Variants in UBE3C observed in about 807,000 individuals in gnomAD.
UBE3C encodes ubiquitin-protein ligase E3C.
In UBE3C, 42 loss-of-function variants were observed where a neutral mutation model predicts 129.4. That is an observed-to-expected ratio of 0.32 (90% CI 0.25 to 0.42). The LOEUF (loss-of-function observed/expected upper bound fraction) is 0.42, where lower values mean the gene tolerates loss of function less well. Among genes scored for constraint, UBE3C ranks in the 10% least tolerant of loss-of-function variants. The pLI is 1.00. For missense variants in UBE3C, 1,049 were observed against 1,319.1 expected (o/e 0.80, Z 3.17); for synonymous variants, 510 against 492.4 (o/e 1.04, Z -0.47).
At chr7:157,241,532 A>G (rs1021537909) in intron 18 of UBE3C, among the ~76,000 whole-genome samples, 60 of 152,266 alleles carry the variant, frequency 3.9e-4, no homozygotes, top group Non-Finnish European at 5.9e-5. Context: ...CACACCCGCG[A>G]GTACGGCGGG....
intron 22 of UBE3C, among the ~76,000 whole-genome samples, chr7:157,262,501 C>G (rs1796946738): frequency 7.1e-6 from 1 of 140,716 alleles, no homozygotes; most frequent in South Asian, 2.4e-4. Flanking sequence ...TCGCTGCAAC[C>G]TCTGCCTCCT....
At chr7:157,184,200 C>T (rs967858853) in intron 9 of UBE3C, among the ~76,000 whole-genome samples, 171 bp downstream of exon 9, 1 of 152,178 alleles carries the variant, frequency 6.6e-6, no homozygotes, top group Non-Finnish European at 1.5e-5. Flanking sequence ...GAAAGTCTCT[C>T]CCACCGCTTT....
intron 1 of UBE3C, among the ~76,000 whole-genome samples, chr7:157,156,553 A>G (rs980900496): frequency 6.6e-6 from 1 of 151,648 alleles, no homozygotes; most frequent in African/African-American, 2.4e-5. Context: ...GTGATCCACT[A>G]CCCTGGCCTC....
At chr7:157,262,541 C>G (rs1186475998) in intron 22 of UBE3C, among the ~76,000 whole-genome samples, 3 of 150,836 alleles carry the variant, frequency 2.0e-5, no homozygotes, top group African/African-American at 7.3e-5. Context: ...GCCGCAGCCT[C>G]CCGAGTAGGT....
intron 10 of UBE3C, among the ~76,000 whole-genome samples, chr7:157,194,534 G>T (rs1809062487): frequency 6.6e-6 from 1 of 152,176 alleles, no homozygotes; most frequent in Admixed American, 6.5e-5. Flanking sequence ...TAGGCAGTAG[G>T]TCGAGGCTGG....
chr7:157,256,930 C>G lies in UBE3C; in HGVS notation c.2967C>G (p.Asp989Glu), dbSNP rs931934963. 6.2e-7 allele frequency: 1 copy of G among 1,614,002 alleles called. No individual in the cohort carries two copies. The highest frequency in any genetic ancestry group is 1.3e-5 in the African/African-American group (1 of 74,926). ...FTNYSGGYSADHPVIKVFWRV... is the reference protein window; with the variant it reads ...FTNYSGGYSAEHPVIKVFWRV... ...TTGCCATAGGAGGCTATTCTGCAGA[C>G]CATCCTGTTATTAAGGTCTTCTGGA... The change falls in exon 22 of 23, where the codon GAC (aspartate) becomes GAG (glutamate). Residue 989 changes from aspartate to glutamate, a missense_variant. Physicochemically the swap from Asp to Glu is conservative, Grantham distance 45. Transcript: ENST00000348165.
chr7:157,207,765 C>G lies in UBE3C; in HGVS notation c.1639C>G (p.Arg547Gly). 6.2e-7 allele frequency: 1 copy of G among 1,614,070 alleles called. No individual in the cohort carries two copies. The highest frequency in any genetic ancestry group is 8.5e-7 in the Non-Finnish European group (1 of 1,180,012). Residue 547 changes from arginine (R) to glycine (G), a missense_variant, in exon 13 of 23, where the codon CGA (arginine) becomes GGA (glycine). Physicochemically the swap from Arg to Gly is moderately radical, Grantham distance 125. Transcript: ENST00000348165. ...FTLEELIMLS[R>G]CLRDACLGII... The stretch of plus-strand genomic sequence containing the variant: ...TTTAGAAGAGCTGATAATGTTGTCT[C>G]GATGCCTTCGAGATGCATGCCTGGG...
chr7:157,177,959 A>G (rs770081651), intron 5 of UBE3C, among the ~76,000 whole-genome samples: 1 of 151,652 alleles, frequency 6.6e-6, no homozygotes, highest in Non-Finnish European at 1.5e-5. Flanking sequence ...AAAAGGAAAA[A>G]CAGCTGTAAA....
At position 157,174,972 on chromosome 7, in the gene UBE3C, G is replaced by T; in HGVS notation, c.396G>T (p.Leu132Phe). 1 of 1,612,766 alleles carries T rather than the reference G, an allele frequency of 6.2e-7. No homozygotes were observed. The highest frequency in any genetic ancestry group is 8.5e-7 in the Non-Finnish European group (1 of 1,179,500). Residue 132 changes from leucine (L) to phenylalanine (F), a missense_variant, in exon 5 of 23, where the codon TTG becomes TTT. Physicochemically the swap from Leu to Phe is conservative, Grantham distance 22. Coordinates refer to ENST00000348165, the MANE Select transcript of UBE3C (RefSeq NM_014671.3). ...IKHSSLFVKQLDGSERLTCLF... is the reference protein window; with the variant it reads ...IKHSSLFVKQFDGSERLTCLF... ...ACAGCTCTCTGTTTGTCAAGCAGTT[G>T]GATGGATCTGAGAGACTTACATGCT... is the stretch of plus-strand genomic sequence containing the variant.
intron 4 of UBE3C, among the ~76,000 whole-genome samples, chr7:157,172,095 C>A (rs964711849): frequency 6.6e-6 from 1 of 150,590 alleles, no homozygotes; most frequent in South Asian, 2.1e-4. Context: ...TGTAGTGGTG[C>A]GATCTCAGCT....
chr7:157,219,317 C>G (rs1795671407), intron 14 of UBE3C, among the ~76,000 whole-genome samples: 1 of 152,170 alleles, frequency 6.6e-6, no homozygotes, highest in Non-Finnish European at 1.5e-5. Flanking sequence ...TGGCACAAGT[C>G]CCTTATCTCA....
rs1809462981 is a variant in UBE3C, at chr7:157,207,412, T to C, written c.1433T>C (p.Leu478Ser). 1.2e-6 allele frequency: 2 copies of C among 1,612,808 alleles called. No homozygotes were observed. The highest frequency in any genetic ancestry group is 2.7e-5 in the African/African-American group (2 of 74,944). ...TRMITGSMVP[L>S]LQVISRGSPM... ...TTTAATTCAAGGTCTATGGTACCGT[T>C]GCTTCAGGTGATATCCAGGGGTTCT... The change falls in exon 12 of 23, where the codon TTG becomes TCG. Residue 478 changes from leucine (L) to serine (S), a missense_variant. Leu to Ser is a moderately radical substitution (Grantham distance 145). This residue lies in a region of UBE3C where 314 missense variants were observed against 416.9 expected (regional missense o/e 0.75). Coordinates refer to ENST00000348165, the MANE Select transcript of UBE3C (RefSeq NM_014671.3).
chr7:157,199,460 A>T (rs969774725), intron 10 of UBE3C, among the ~76,000 whole-genome samples: 4 of 151,484 alleles, frequency 2.6e-5, no homozygotes, highest in African/African-American at 9.7e-5. Flanking sequence ...AATTTTTTTT[A>T]TTTTTATTTT....
In UBE3C at chr7:157,222,989, C is replaced by T. The variant is rs763531361; in HGVS notation, c.2003-265C>T. 11 of 337,974 alleles carry T rather than the reference C, an allele frequency of 3.3e-5. No homozygotes were observed. In the East Asian group the frequency reaches 3.4e-4, roughly 10 times the overall value. 20.9% of individuals were successfully genotyped at this position (337,974 alleles called of 1,614,324 possible). A position where few individuals can be genotyped will look rare whatever the true frequency, so the allele number is the denominator to read the frequency against. On this transcript the variant is annotated intron_variant, in intron 15 of 22. Transcript: ENST00000348165. Reference sequence around the variant, plus strand: ...GCTAGGGCTAGCTGTGCACTTGAGACGTGCTAGACAGCTGGAGTGGAAGTG... The same window carrying T: ...GCTAGGGCTAGCTGTGCACTTGAGATGTGCTAGACAGCTGGAGTGGAAGTG...
intron 10 of UBE3C, among the ~76,000 whole-genome samples, chr7:157,188,003 G>A (rs7778050): frequency 0.062 from 9,497 of 152,240 alleles, 727 homozygotes; most frequent in African/African-American, 0.18. Flanking sequence ...AATATGGCCT[G>A]TTTGTGCTTA....
At chr7:157,202,441 G>A (rs1305638734) in intron 11 of UBE3C, among the ~76,000 whole-genome samples, 4 of 152,302 alleles carry the variant, frequency 2.6e-5, no homozygotes, top group African/African-American at 9.6e-5. Flanking sequence ...CGGATCACCT[G>A]AGGTCAGGAG....
chr7:157,243,047 TC>T (rs1331422135), intron 18 of UBE3C, among the ~76,000 whole-genome samples: 2 of 150,818 alleles, frequency 1.3e-5, no homozygotes, highest in South Asian at 4.2e-4. Flanking sequence ...AGAGGGAAAC[TC>T]CATCTCAAAA....
In UBE3C at chr7:157,217,602, C is replaced by T. The variant is rs535886169; in HGVS notation, c.1914+631C>T. 1.7e-4 allele frequency among the ~76,000 whole-genome samples: 26 copies of T among 152,044 alleles called. No individual in the cohort carries two copies. In the East Asian group the frequency reaches 2.9e-3, roughly 17 times the overall value. Reference sequence around the variant, plus strand: ...CTGTAATCCCAGCACTTGGGGAAGCCGACGGGCAGATCACTTAAAGCCAGG... The same window carrying T: ...CTGTAATCCCAGCACTTGGGGAAGCTGACGGGCAGATCACTTAAAGCCAGG... On this transcript the variant is annotated intron_variant, in intron 14 of 22. Coordinates refer to ENST00000348165, the MANE Select transcript of UBE3C (RefSeq NM_014671.3).
At chr7:157,150,462 C>T (rs534081405) in intron 1 of UBE3C, among the ~76,000 whole-genome samples, 27 of 152,084 alleles carry the variant, frequency 1.8e-4, no homozygotes, top group African/African-American at 6.3e-4. Context: ...AAAATTTATT[C>T]TAGTGAACTA....
Sources: gnomAD v4.1 joint callset for allele counts (sites outside exome capture counted in the v4.1 genomes callset) on GRCh38, gnomAD v4.1.1 for gene constraint, gnomAD v4.1.1 regional missense constraint, MANE v1.5 for transcripts, NCBI Gene and HGNC (gene_info 2026-07-23, HGNC 2026-07-21) for gene names.